Variants in NCALD observed in about 807,000 individuals in gnomAD.
The protein encoded by NCALD is neurocalcin delta, also known as neurocalcin-delta.
Under a neutral mutation model 18.6 loss-of-function variants are expected in NCALD, and 10 were observed. That is an observed-to-expected ratio of 0.54 (90% CI 0.33 to 0.91). NCALD has a LOEUF of 0.91. NCALD is among the 40% of genes least tolerant of loss of function. The pLI is 0.03. For synonymous variants in NCALD, 88 were observed against 87.4 expected, an observed-to-expected ratio of 1.01 and a Z score of -0.04; for missense variants, 184 against 247.6, an observed-to-expected ratio of 0.74 and a Z score of 1.72.
intron 1 of NCALD, among the ~76,000 whole-genome samples, chr8:101,730,278 G>A (rs1457844469): frequency 2.0e-5 from 3 of 151,772 alleles, no homozygotes; most frequent in African/African-American, 4.8e-5. Flanking sequence ...TCAGGAGTTC[G>A]AGACCAGCCT....
chr8:101,974,798 T>C (rs1395089572), intron 2 of NCALD, among the ~76,000 whole-genome samples: 2 of 152,148 alleles, frequency 1.3e-5, no homozygotes, highest in East Asian at 3.8e-4. Flanking sequence ...GGTAGAAAGA[T>C]CTATGGGAAA....
intron 2 of NCALD, among the ~76,000 whole-genome samples, chr8:101,958,355 T>C (rs1029268107): frequency 6.6e-6 from 1 of 152,052 alleles, no homozygotes; most frequent in African/African-American, 2.4e-5. Flanking sequence ...CTCATAATGC[T>C]TGTAGGAATT....
intron 1 of NCALD, among the ~76,000 whole-genome samples, chr8:102,087,509 C>A (rs927344310): frequency 1.1e-4 from 17 of 151,960 alleles, no homozygotes; most frequent in African/African-American, 4.1e-4. Flanking sequence ...GGTTAAAGGC[C>A]CCTCTTAATA....
At chr8:101,716,609 G>T (rs1015864911) in intron 2 of NCALD, among the ~76,000 whole-genome samples, 9 of 152,136 alleles carry the variant, frequency 5.9e-5, no homozygotes, top group Admixed American at 1.3e-4. Flanking sequence ...CTTTAAAAAG[G>T]AACGCAACTG....
At chr8:101,982,722 T>C (rs1820668015) in intron 2 of NCALD, among the ~76,000 whole-genome samples, 1 of 151,824 alleles carries the variant, frequency 6.6e-6, no homozygotes, top group African/African-American at 2.4e-5. Flanking sequence ...ACGCCTGTAG[T>C]CCCAGCTACT....
chr8:101,976,986 G>A lies in NCALD; in HGVS notation c.-157+43251C>T, dbSNP rs550561704. 2.7e-3 allele frequency among the ~76,000 whole-genome samples: 417 copies of A among 152,228 alleles called. 3 individuals carry two copies. Among genetic ancestry groups the A allele is most frequent in the Non-Finnish European group, 4.1e-3 (277 of 68,018 alleles). On this transcript the variant is annotated intron_variant, in intron 2 of 6. Coordinates refer to the NCALD transcript ENST00000311028. The stretch of plus-strand genomic sequence containing the variant: ...GAAGTTAGGGAGGGCCCCTGACCAT[G>A]CCTAGGAAATAGCAGGCTTACGTGG...
intron 2 of NCALD, among the ~76,000 whole-genome samples, chr8:101,925,484 C>T (rs1818304790): frequency 6.6e-6 from 1 of 151,846 alleles, no homozygotes; most frequent in African/African-American, 2.4e-5. Context: ...GTGAGCAATA[C>T]CCCCTCACAT....
At chr8:101,855,101 G>A (rs140591015) in intron 4 of NCALD, among the ~76,000 whole-genome samples, 245 of 152,284 alleles carry the variant, frequency 1.6e-3, no homozygotes, top group East Asian at 7.5e-3. Context: ...AAGACACGTG[G>A]AAACAAGCAT....
intron 1 of NCALD, among the ~76,000 whole-genome samples, chr8:102,081,402 A>G (rs542770747): frequency 1.3e-5 from 2 of 152,142 alleles, no homozygotes; most frequent in East Asian, 1.9e-4. Flanking sequence ...CCCTTTTCAT[A>G]TAGAAAATTG....
chr8:101,833,443 T>A (rs899497223), intron 4 of NCALD, among the ~76,000 whole-genome samples: 1 of 152,180 alleles, frequency 6.6e-6, no homozygotes, highest in South Asian at 2.1e-4. Flanking sequence ...ACATCTAAGT[T>A]TTGAAGTCTC....
intron 1 of NCALD, among the ~76,000 whole-genome samples, chr8:102,059,991 T>A (rs1823785026): frequency 6.6e-6 from 1 of 152,146 alleles, no homozygotes; most frequent in South Asian, 2.1e-4. Context: ...TTGTTTTTGT[T>A]TTTGTTTGAG....
At chr8:101,926,010 G>A (rs980167632) in intron 2 of NCALD, among the ~76,000 whole-genome samples, 5 of 152,158 alleles carry the variant, frequency 3.3e-5, no homozygotes, top group Admixed American at 2.0e-4. Context: ...CCGGTGTCCC[G>A]TCCTTGTGGA....
chr8:101,987,981 C>G (rs182756027), intron 2 of NCALD, among the ~76,000 whole-genome samples: 1 of 151,876 alleles, frequency 6.6e-6, no homozygotes. Flanking sequence ...GGTGAAACCC[C>G]GTCTCTACTA....
chr8:101,860,248 C>T (rs909463817), intron 4 of NCALD, among the ~76,000 whole-genome samples: 4 of 152,070 alleles, frequency 2.6e-5, no homozygotes, highest in East Asian at 1.9e-4. Flanking sequence ...AGGAAACTAC[C>T]GGAGGTTAGG....
At chr8:101,966,046 A>G (rs1016247297) in intron 2 of NCALD, among the ~76,000 whole-genome samples, 18 of 152,262 alleles carry the variant, frequency 1.2e-4, no homozygotes, top group African/African-American at 4.3e-4. Context: ...AAGAGCTAAT[A>G]TCCCTAAAAT....
chr8:101,865,320 A>T (rs473498), intron 4 of NCALD, among the ~76,000 whole-genome samples: 1 of 151,896 alleles, frequency 6.6e-6, no homozygotes, highest in South Asian at 2.1e-4. Flanking sequence ...GAAGTCAAAT[A>T]TTTTCCCTGA....
chr8:101,725,225 C>T (rs1816521144), intron 1 of NCALD, among the ~76,000 whole-genome samples: 1 of 152,194 alleles, frequency 6.6e-6, no homozygotes, highest in African/African-American at 2.4e-5. Context: ...CCTATATAAA[C>T]CCCAGATCTC....
At chr8:101,884,773 T>C (rs1816615052) in intron 4 of NCALD, among the ~76,000 whole-genome samples, 1 of 152,180 alleles carries the variant, frequency 6.6e-6, no homozygotes, top group South Asian at 2.1e-4. Context: ...TGGAAAATAG[T>C]TGGCAGGGAA....
intron 2 of NCALD, among the ~76,000 whole-genome samples, chr8:101,958,079 T>C (rs758254898): frequency 8.5e-5 from 13 of 152,190 alleles, no homozygotes; most frequent in Non-Finnish European, 1.5e-4. Flanking sequence ...TCCTTCACCA[T>C]GCAGGGTCTC....
Sources: allele counts gnomAD v4.1 joint callset (sites outside exome capture counted in the v4.1 genomes callset), GRCh38; gene constraint gnomAD v4.1.1; transcripts MANE v1.5; gene names NCBI Gene and HGNC (gene_info 2026-07-23, HGNC 2026-07-21).